DDX60L: variants seen among roughly 807,000 people sequenced by gnomAD.
DDX60L encodes the protein probable ATP-dependent RNA helicase DDX60-like.
A neutral mutation model predicts 211.6 loss-of-function variants in DDX60L; 191 were observed. That is an observed-to-expected ratio of 0.90 (90% CI 0.80 to 1.02). DDX60L has a LOEUF of 1.02. Among genes scored for constraint, DDX60L ranks in the 50% least tolerant of loss-of-function variants. The probability of loss-of-function intolerance (pLI) is 0.00; values close to 1 mark genes in which losing one functional copy is unlikely to be tolerated. For synonymous variants in DDX60L, 706 were observed against 694.1 expected (o/e 1.02, Z -0.27); for missense variants, 2,007 against 1,984.1 (o/e 1.01, Z -0.22).
At position 168,419,378 on chromosome 4, in the gene DDX60L, T is replaced by C. The variant is rs761470210; in HGVS notation, c.2534A>G (p.Glu845Gly). The change falls in exon 19 of 38, where the codon GAA (glutamate) becomes GGA (glycine). Residue 845 changes from glutamate to glycine, a missense_variant. By Grantham distance (98) the Glu-to-Gly change is moderately conservative. Coordinates refer to ENST00000682922, the MANE Select transcript of DDX60L (RefSeq NM_001012967.3). ...AGCAAGCAACAGGATTTCAAAACAT[T>C]CCGGCACTGTAATAAGTACCTACAA... ...LNCQVLITVPECFEILLLAPH... is the reference protein window; with the variant it reads ...LNCQVLITVPGCFEILLLAPH... The C allele has an allele frequency of 2.5e-6, 4 of 1,590,360 alleles. No individual in the cohort carries two copies. The highest frequency in any genetic ancestry group is 3.4e-6 in the Non-Finnish European group (4 of 1,166,722).
At chr4:168,433,163 T>TCTC in intron 10 of DDX60L, 48 bp from the exon 11 acceptor site, 2 of 1,221,940 alleles carry the variant, frequency 1.6e-6, no homozygotes, top group Non-Finnish European at 2.3e-6. Flanking sequence ...GTAACTATCC[T>TCTC]ATATGAATTT....
intron 7 of DDX60L, 113 bp from the exon 8 acceptor site, chr4:168,453,395 A>G: frequency 1.8e-6 from 2 of 1,142,694 alleles, no homozygotes; most frequent in South Asian, 1.8e-5. Context: ...CATTTGTGAG[A>G]AAGTCCCCTT....
intron 36 of DDX60L, among the ~76,000 whole-genome samples, chr4:168,363,788 A>G (rs1396146779): frequency 6.6e-6 from 1 of 152,194 alleles, no homozygotes; most frequent in Admixed American, 6.5e-5. Context: ...AGAGGAATAA[A>G]GGAACAAAGA....
chr4:168,468,347 T>A (rs1342150458), intron 4 of DDX60L, among the ~76,000 whole-genome samples: 2 of 152,032 alleles, frequency 1.3e-5, no homozygotes, highest in Non-Finnish European at 2.9e-5. Flanking sequence ...TATTTAAAAA[T>A]CACTTAATGT....
intron 19 of DDX60L, 111 bp from the exon 20 acceptor site, chr4:168,416,908 CTAAA>C: frequency 3.7e-6 from 2 of 544,636 alleles, no homozygotes; most frequent in South Asian, 3.0e-5. Context: ...ATGACCTAAC[CTAAA>C]TAAAGTGAAT....
intron 10 of DDX60L, among the ~76,000 whole-genome samples, chr4:168,441,042 A>G (rs1406772398): frequency 2.0e-5 from 3 of 152,128 alleles, no homozygotes; most frequent in Non-Finnish European, 4.4e-5. Context: ...GGGAGGATGG[A>G]TTGGGAAGTG....
chr4:168,430,691 A>T, intron 12 of DDX60L, 53 bp from the exon 13 acceptor site: 2 of 1,350,682 alleles, frequency 1.5e-6, no homozygotes, highest in Non-Finnish European at 2.0e-6. Flanking sequence ...ATTGCTATAT[A>T]TGTGTGCTAC....
chr4:168,402,249 G>A (rs1001991029), intron 25 of DDX60L, among the ~76,000 whole-genome samples: 11 of 150,316 alleles, frequency 7.3e-5, no homozygotes, highest in South Asian at 2.1e-4. Context: ...ATTTGCTTCC[G>A]TGTTCACAGT....
At chr4:168,367,390 T>C (rs1426455859) in intron 36 of DDX60L, among the ~76,000 whole-genome samples, 1 of 152,226 alleles carries the variant, frequency 6.6e-6, no homozygotes, top group East Asian at 1.9e-4. Context: ...TCTTTTCTCA[T>C]CTGCCACCAT....
At chr4:168,474,298 C>G (rs1372035217) in intron 1 of DDX60L, among the ~76,000 whole-genome samples, 1 of 151,888 alleles carries the variant, frequency 6.6e-6, no homozygotes, top group Non-Finnish European at 1.5e-5. Context: ...GTTAGGAAAG[C>G]CTAAAACAGC....
intron 22 of DDX60L, among the ~76,000 whole-genome samples, chr4:168,410,916 T>C (rs1201554702): frequency 1.3e-5 from 2 of 152,094 alleles, no homozygotes; most frequent in African/African-American, 4.8e-5. Context: ...CAGAAATAGA[T>C]ACTAAGAAGC....
chr4:168,403,302 A>C (rs2149786404), intron 25 of DDX60L, among the ~76,000 whole-genome samples: 1 of 152,308 alleles, frequency 6.6e-6, no homozygotes, highest in South Asian at 2.1e-4. Flanking sequence ...GTATCTACAC[A>C]CCTATGTGTT....
intron 15 of DDX60L, among the ~76,000 whole-genome samples, chr4:168,422,969 T>TTGTGTGTGTGTGTGTGTGTGTGTG (rs5863932): frequency 9.0e-5 from 12 of 133,044 alleles, no homozygotes; most frequent in African/African-American, 3.0e-4. Flanking sequence ...GTGGCTAATA[T>TTGTGTGTGTGTGTGTGTGTGTGTG]TGTGTGTGTG....
intron 30 of DDX60L, chr4:168,380,782 G>C (rs1242683357): frequency 6.6e-6 from 1 of 152,192 alleles, no homozygotes; most frequent in Non-Finnish European, 1.5e-5. Flanking sequence ...GAAGATGAGG[G>C]AAAGTTTGGA....
chr4:168,387,167 G>A (rs371924343), intron 29 of DDX60L, among the ~76,000 whole-genome samples: 12 of 152,148 alleles, frequency 7.9e-5, no homozygotes, highest in South Asian at 2.1e-4. Context: ...AGGCAGTCAC[G>A]GCAGGGTGAG....
chr4:168,368,574 G>A (rs781733955), intron 36 of DDX60L, among the ~76,000 whole-genome samples: 2 of 152,234 alleles, frequency 1.3e-5, no homozygotes, highest in African/African-American at 4.8e-5. Context: ...TAGTGGAGCT[G>A]TGAGAAGAGG....
At position 168,415,660 on chromosome 4, in the gene DDX60L, GTCTAA is replaced by G; in HGVS notation, c.2861_2865del (p.Val954AlafsTer10). The stretch of plus-strand genomic sequence containing the variant: ...AACATAAAAAAAATAAGCTTACCAA[GTCTAA>G]CTTCATATGATTGATTTTTATATGA... On this transcript the variant is annotated frameshift_variant, in exon 21 of 38. Coordinates refer to ENST00000682922, the MANE Select transcript of DDX60L (RefSeq NM_001012967.3). LOFTEE classifies it high-confidence loss of function. 2 of 1,577,434 alleles carry G rather than the reference GTCTAA, an allele frequency of 1.3e-6. No homozygotes were observed. The highest frequency in any genetic ancestry group is 3.5e-5 in the Admixed American group (2 of 56,478).
intron 30 of DDX60L, among the ~76,000 whole-genome samples, chr4:168,383,286 C>T (rs1393323462): frequency 1.3e-5 from 2 of 152,102 alleles, no homozygotes; most frequent in Non-Finnish European, 2.9e-5. Context: ...AACTGAAGAG[C>T]TATTGCTACT....
intron 4 of DDX60L, among the ~76,000 whole-genome samples, chr4:168,468,389 A>G (rs936727275): frequency 2.0e-5 from 3 of 152,190 alleles, no homozygotes. Context: ...AAAAGAGGAA[A>G]GGTGTATCAG....
Sources: allele counts gnomAD v4.1 joint callset (sites outside exome capture counted in the v4.1 genomes callset), GRCh38; gene constraint gnomAD v4.1.1; transcripts MANE v1.5; gene names NCBI Gene and HGNC (gene_info 2026-07-23, HGNC 2026-07-21).